The following ADAMTS8 variants were observed in gnomAD, a reference collection of about 807,000 sequenced individuals.
The protein encoded by ADAMTS8 is ADAM metallopeptidase with thrombospondin type 1 motif 8.
In ADAMTS8, 50 loss-of-function variants were observed where a neutral mutation model predicts 64.4. That is an observed-to-expected ratio of 0.78 (90% CI 0.62 to 0.98). The LOEUF (loss-of-function observed/expected upper bound fraction) is 0.98, where lower values mean the gene tolerates loss of function less well. Ranked by LOEUF, ADAMTS8 falls within the 50% of genes least tolerant of loss-of-function variation. ADAMTS8 has a pLI of 0.00. For missense variants in ADAMTS8, 1,192 were observed against 1,208.2 expected (o/e 0.99, Z 0.20); for synonymous variants, 556 against 533.6 (o/e 1.04, Z -0.58).
Position 130,405,973 on chromosome 11 carries a change from G to C in ADAMTS8, c.2255C>G (p.Ala752Gly), listed in dbSNP as rs1861877420. 1 of 1,614,232 alleles carries C rather than the reference G, an allele frequency of 6.2e-7. No individual in the cohort carries two copies. Among genetic ancestry groups the C allele is most frequent in the East Asian group, 2.2e-5 (1 of 44,880 alleles). ...YLLNGNLAISAIEQDILVKGT... is the reference protein window; with the variant it reads ...YLLNGNLAISGIEQDILVKGT... ...CTTCACCAAGATGTCCTGCTCTATG[G>C]CAGAGATGGCCAGGTTGCCGTTGAG... Residue 752 changes from alanine (A) to glycine (G), a missense_variant, in exon 9 of 9, where the codon GCC becomes GGC. Coordinates refer to ENST00000257359, the MANE Select transcript of ADAMTS8 (RefSeq NM_007037.6).
intron 1 of ADAMTS8, among the ~76,000 whole-genome samples, chr11:130,425,766 A>AT (rs547788301): frequency 3.1e-4 from 47 of 151,002 alleles, no homozygotes; most frequent in South Asian, 2.3e-3. Flanking sequence ...ACGCCTGGCT[A>AT]TTTTTTTTGT....
At chr11:130,422,717 T>A (rs571678655) in intron 1 of ADAMTS8, among the ~76,000 whole-genome samples, 13 of 152,212 alleles carry the variant, frequency 8.5e-5, no homozygotes, top group African/African-American at 1.7e-4. Context: ...CTTGAAAGCA[T>A]ACGCTGACGC....
At chr11:130,412,927 G>A (rs528393118) in intron 5 of ADAMTS8, among the ~76,000 whole-genome samples, 415 of 152,150 alleles carry the variant, frequency 2.7e-3, no homozygotes, top group African/African-American at 9.2e-3. Flanking sequence ...CCAGAGTGCA[G>A]TGGTATGATC....
At chr11:130,427,348 G>T (rs549912406) in intron 1 of ADAMTS8, among the ~76,000 whole-genome samples, 3 of 152,286 alleles carry the variant, frequency 2.0e-5, no homozygotes, top group African/African-American at 7.2e-5. Flanking sequence ...GGGTGGGGGC[G>T]CAGGGATCCA....
rs2134680367 is a variant in ADAMTS8, at chr11:130,414,619, A to G, written c.1478T>C (p.Leu493Pro). ...GCACGGCGTGCCGTCAGCCCAGGGC[A>G]GGCTGCCATTCTTCGTGTGGCACAG... The part of the protein sequence containing the change: ...EPLCHTKNGS[L>P]PWADGTPCGP... Residue 493 changes from leucine to proline, a missense_variant, in exon 5 of 9, where the codon CTG (leucine) becomes CCG (proline). Transcript: ENST00000257359. 2 of 1,613,486 alleles carry G rather than the reference A, an allele frequency of 1.2e-6. No individual in the cohort carries two copies. The highest frequency in any genetic ancestry group is 2.2e-5 in the South Asian group (2 of 91,074).
In ADAMTS8 at chr11:130,405,075, C is replaced by T. The variant is rs116078696; in HGVS notation, c.*483G>A. 2.0e-5 allele frequency: 20 copies of T among 988,944 alleles called. No homozygotes were observed. Among genetic ancestry groups the T allele is most frequent in the African/African-American group, 8.7e-5 (5 of 57,416 alleles). The allele number at this position is 988,944 out of a possible 1,614,324, so 61.3% of individuals were successfully genotyped here. ...GATGGATTTTAACACTGAAGACAGT[C>T]GTGGTCATTCTTGAAGACAGCTTGG... On this transcript the variant is annotated 3_prime_UTR_variant, in exon 9 of 9. Coordinates refer to ENST00000257359, the MANE Select transcript of ADAMTS8 (RefSeq NM_007037.6).
At position 130,414,878 on chromosome 11, in the gene ADAMTS8, C is replaced by T. The variant is rs772107099; in HGVS notation, c.1265-46G>A. On this transcript the variant is annotated intron_variant, in intron 4 of 8. Transcript: ENST00000257359. ...GGTGTAAGAACATGCACAGGGCTGC[C>T]GCCCTCTCAGCTCTTCATGGCCTGT... The T allele has an allele frequency of 5.9e-6, 9 of 1,514,022 alleles. No individual in the cohort carries two copies. In the East Asian group the frequency reaches 9.4e-5, roughly 16 times the overall value. The allele number at this position is 1,514,022 out of a possible 1,614,324, so 93.8% of individuals were successfully genotyped here.
At chr11:130,424,846 C>T (rs1416992704) in intron 1 of ADAMTS8, among the ~76,000 whole-genome samples, 2 of 152,090 alleles carry the variant, frequency 1.3e-5, no homozygotes, top group Non-Finnish European at 2.9e-5. Context: ...AGTCCCTCCC[C>T]CACCCGCCAC....
rs1474878894 is a variant in ADAMTS8 at position 130,427,627 on chromosome 11, G to A, written c.660C>T (p.Phe220=). 6.4e-7 allele frequency: 1 copy of A among 1,566,856 alleles called. No homozygotes were observed. Among genetic ancestry groups the A allele is most frequent in the Non-Finnish European group, 8.6e-7 (1 of 1,159,410 alleles). ...RTKRFVSEAR[F]VETLLVADAS... is the part of the protein sequence containing the mutation. ...CATCGGCCACCAGCAGCGTCTCCAC[G>A]AAGCGCGCCTCAGACACAAACCGCT... is the stretch of plus-strand genomic sequence containing the variant. The change falls in exon 1 of 9, where the codon TTC becomes TTT. Residue 220 remains phenylalanine, a synonymous_variant. Coordinates refer to ENST00000257359, the MANE Select transcript of ADAMTS8 (RefSeq NM_007037.6).
rs1279205574 is a variant in ADAMTS8, at chr11:130,405,732, G to T, written c.2496C>A (p.Leu832=). ...AGTCCCCCAGCACCCACTGTGCGTG[G>T]AGCAGCGGCTGGATGATGTTGGTGG... is the stretch of plus-strand genomic sequence containing the variant. ...RATTNIIQPL[L]HAQWVLGDWS... is the part of the protein sequence containing the mutation. The change falls in exon 9 of 9, where the codon CTC becomes CTA. Residue 832 remains leucine, a synonymous_variant. Transcript: ENST00000257359. 1 of 1,614,220 alleles carries T rather than the reference G, an allele frequency of 6.2e-7. No homozygotes were observed.
In ADAMTS8 at chr11:130,416,982, C is replaced by G. The variant is rs775024729; in HGVS notation, c.1054G>C (p.Asp352His). The G allele has an allele frequency of 6.2e-7, 1 of 1,614,020 alleles. No individual in the cohort carries two copies. Among genetic ancestry groups the G allele is most frequent in the African/African-American group, 1.3e-5 (1 of 74,936 alleles). ...GTGTGGGCCGCCTGGAGCCCCTCAT[C>G]CTCGATCACGGAGCAGCTTTTGTTG... is the stretch of plus-strand genomic sequence containing the variant. The part of the protein sequence containing the change: ...DPNKSCSVIE[D>H]EGLQAAHTLA... The change falls in exon 3 of 9, where the codon GAT (aspartate) becomes CAT (histidine). Residue 352 changes from aspartate to histidine, a missense_variant. Asp to His is a moderately conservative substitution (Grantham distance 81). This residue lies in a region of ADAMTS8 where 741 missense variants were observed against 710.6 expected (regional missense o/e 1.04). Transcript: ENST00000257359. This position sits in a 1 kb window ranked among gnomAD's most constrained non-coding sequence, Gnocchi z 4.8.
At chr11:130,427,401 C>A (rs1451788347) in intron 1 of ADAMTS8, among the ~76,000 whole-genome samples, 166 bp downstream of exon 1, 2 of 148,420 alleles carry the variant, frequency 1.3e-5, no homozygotes, top group African/African-American at 2.5e-5. Flanking sequence ...CTTTCTCAGA[C>A]AGGAGAGAAT....
rs746479895 is a variant in ADAMTS8 at position 130,416,983 on chromosome 11, C to T, written c.1053G>A (p.Glu351=). ...TGTGGGCCGCCTGGAGCCCCTCATC[C>T]TCGATCACGGAGCAGCTTTTGTTGG... The part of the protein sequence containing the change: ...CDPNKSCSVI[E]DEGLQAAHTL... The change falls in exon 3 of 9, where the codon GAG becomes GAA. Residue 351 remains glutamate (E), a synonymous_variant. Coordinates refer to ENST00000257359, the MANE Select transcript of ADAMTS8 (RefSeq NM_007037.6). The surrounding 1 kb of genome is among the most constrained non-coding windows in gnomAD (Gnocchi z 4.8). The T allele has an allele frequency of 2.5e-6, 4 of 1,614,138 alleles. No individual in the cohort carries two copies. In the South Asian group the frequency reaches 4.4e-5, roughly 18 times the overall value.
intron 5 of ADAMTS8, among the ~76,000 whole-genome samples, chr11:130,413,951 C>T (rs1861985474): frequency 6.6e-6 from 1 of 152,156 alleles, no homozygotes; most frequent in African/African-American, 2.4e-5. Context: ...CTGAGGCAGC[C>T]CCAAAGCAGC....
Position 130,428,400 on chromosome 11 carries a change from C to A in ADAMTS8, c.-114G>T. 8.6e-7 allele frequency: 1 copy of A among 1,165,698 alleles called. No homozygotes were observed. Among genetic ancestry groups the A allele is most frequent in the South Asian group, 2.1e-5 (1 of 48,034 alleles). 72.2% of individuals were successfully genotyped at this position (1,165,698 alleles called of 1,614,324 possible). Reference sequence around the variant, plus strand: ...TCTCTCCAGGAAAAGCGGAATCAATCGGGTGCAAGGCCGACTCGGCCCGCG... The same window carrying A: ...TCTCTCCAGGAAAAGCGGAATCAATAGGGTGCAAGGCCGACTCGGCCCGCG... On this transcript the variant is annotated 5_prime_UTR_variant, in exon 1 of 9. Transcript: ENST00000257359.
rs1213339923 is a variant in ADAMTS8, at chr11:130,411,962, T to G, written c.1567-362A>C. The G allele has an allele frequency of 3.9e-6, 1 of 253,290 alleles. No individual in the cohort carries two copies. The highest frequency in any genetic ancestry group is 7.7e-6 in the Non-Finnish European group (1 of 130,546). The allele number at this position is 253,290 out of a possible 1,614,324, so 15.7% of individuals were successfully genotyped here. A position where few individuals can be genotyped will look rare whatever the true frequency, so the allele number is the denominator to read the frequency against. On this transcript the variant is annotated intron_variant, in intron 5 of 8. Coordinates refer to ENST00000257359, the MANE Select transcript of ADAMTS8 (RefSeq NM_007037.6). The surrounding 1 kb of genome is among the most constrained non-coding windows in gnomAD (Gnocchi z 4.2). ...GCGAATTCTGCCCTCCAGGGGACATTTGGCAATGTCTGGAGATACTCTGGT... is the reference window on the plus strand; with the variant it reads ...GCGAATTCTGCCCTCCAGGGGACATGTGGCAATGTCTGGAGATACTCTGGT...
chr11:130,410,930 T>A (rs1196853341), intron 6 of ADAMTS8, among the ~76,000 whole-genome samples: 1 of 152,150 alleles, frequency 6.6e-6, no homozygotes, highest in African/African-American at 2.4e-5. Flanking sequence ...TCAGAAATCC[T>A]CCCTCTGCCC....
At chr11:130,420,323 C>T (rs1473701067) in intron 1 of ADAMTS8, among the ~76,000 whole-genome samples, 1 of 152,174 alleles carries the variant, frequency 6.6e-6, no homozygotes, top group African/African-American at 2.4e-5. Context: ...GCCAACTGCT[C>T]CCCTGCTGGA....
Position 130,411,528 on chromosome 11 carries a change from G to A in ADAMTS8, c.1639C>T (p.Gln547Ter). The change falls in exon 6 of 9, where the codon CAG becomes TAG. Residue 547 changes from glutamine to a stop codon, truncating the protein, a stop_gained. Transcript: ENST00000257359. LOFTEE classifies it high-confidence loss of function. The surrounding 1 kb of genome is among the most constrained non-coding windows in gnomAD (Gnocchi z 4.2). ...ECSRTCGGGV[Q>*]FSHRECKDPE... ...TCCTTGCACTCACGGTGTGAAAACT[G>A]TACTCCTCCTCCACAGGTCCGAGAA... is the stretch of plus-strand genomic sequence containing the variant. 1 of 1,614,100 alleles carries A rather than the reference G, an allele frequency of 6.2e-7. No individual in the cohort carries two copies. Among genetic ancestry groups the A allele is most frequent in the South Asian group, 1.1e-5 (1 of 91,084 alleles).
Sources: allele counts gnomAD v4.1 joint callset (sites outside exome capture counted in the v4.1 genomes callset), GRCh38; gene constraint gnomAD v4.1.1; regional missense constraint gnomAD v4.1.1; non-coding constraint Gnocchi (gnomAD v3.1); transcripts MANE v1.5; gene names NCBI Gene and HGNC (gene_info 2026-07-23, HGNC 2026-07-21).